CMSS1: variants seen among roughly 807,000 people sequenced by gnomAD.
CMSS1 encodes cms1 ribosomal small subunit homolog, also known as protein CMSS1.
CMSS1 carries 33 observed loss-of-function variants against 43.5 expected under a neutral mutation model. The ratio of observed to expected loss-of-function variants is 0.76; its 90% CI spans 0.57 to 1.01. The LOEUF is 1.01. CMSS1 is among the 50% of genes least tolerant of loss of function. The pLI is 0.00. For missense variants in CMSS1, 313 were observed against 326.4 expected, an observed-to-expected ratio of 0.96 and a Z score of 0.32; for synonymous variants, 115 against 117.2, an observed-to-expected ratio of 0.98 and a Z score of 0.12.
chr3:99,965,801 T>C (rs1394904071), intron 1 of CMSS1, among the ~76,000 whole-genome samples: 3 of 152,210 alleles, frequency 2.0e-5, no homozygotes, highest in Admixed American at 2.0e-4. Flanking sequence ...ATGAAAATGC[T>C]TTATAAACTG....
intron 1 of CMSS1, among the ~76,000 whole-genome samples, chr3:99,980,224 T>C (rs886088867): frequency 6.6e-6 from 1 of 152,150 alleles, no homozygotes; most frequent in African/African-American, 2.4e-5. Context: ...GTCTAGGAGC[T>C]GGTGCCAAAT....
chr3:99,982,233 C>G (rs1363494044), intron 1 of CMSS1, among the ~76,000 whole-genome samples: 2 of 151,944 alleles, frequency 1.3e-5, no homozygotes, highest in Non-Finnish European at 2.9e-5. Flanking sequence ...TCTTTGTACA[C>G]ATCTTTTTTT....
At chr3:99,839,057 C>G (rs1312104291) in intron 1 of CMSS1, among the ~76,000 whole-genome samples, 1 of 152,118 alleles carries the variant, frequency 6.6e-6, no homozygotes. Context: ...ACACCTTTAC[C>G]TTGTGGGCAC....
chr3:100,022,511 A>G (rs2064844475), intron 1 of CMSS1, among the ~76,000 whole-genome samples: 1 of 152,230 alleles, frequency 6.6e-6, no homozygotes, highest in Non-Finnish European at 1.5e-5. Context: ...AAAATCACAC[A>G]TATATCTTAT....
intron 1 of CMSS1, among the ~76,000 whole-genome samples, chr3:100,067,059 G>A (rs997079753): frequency 5.3e-5 from 8 of 152,164 alleles, no homozygotes; most frequent in African/African-American, 1.9e-4. Flanking sequence ...CGTGGACTGT[G>A]ATTAGGTTAA....
intron 1 of CMSS1, among the ~76,000 whole-genome samples, chr3:99,971,943 T>C (rs1321974013): frequency 1.3e-5 from 2 of 152,220 alleles, no homozygotes; most frequent in Non-Finnish European, 2.9e-5. Context: ...CCTAGATATA[T>C]GTAGTCTTGT....
intron 1 of CMSS1, among the ~76,000 whole-genome samples, chr3:99,991,660 T>C (rs1224122333): frequency 6.6e-6 from 1 of 152,026 alleles, no homozygotes; most frequent in African/African-American, 2.4e-5. Context: ...TATGTCCATG[T>C]ATATCCATTG....
chr3:99,861,742 G>A (rs758373684), intron 1 of CMSS1, among the ~76,000 whole-genome samples: 8 of 152,194 alleles, frequency 5.3e-5, no homozygotes, highest in African/African-American at 1.7e-4. Context: ...CTCTAGTACC[G>A]AAGCACCAAT....
Position 99,851,595 on chromosome 3 carries a change from C to T in CMSS1, c.64+33552C>T, listed in dbSNP as rs148111156. ...ATCTAAGATTCTCATTGTCCTGGCA[C>T]ATGGTAAGCATTTGGTATTAGTTGT... On this transcript the variant is annotated intron_variant, in intron 1 of 9. Coordinates refer to ENST00000421999, the MANE Select transcript of CMSS1 (RefSeq NM_032359.4). Among the ~76,000 whole-genome samples the T allele has an allele frequency of 4.2e-4, 64 of 152,304 alleles. 1 individual carries two copies. In the East Asian group the frequency reaches 0.012, roughly 28 times the overall value.
chr3:100,147,076 T>A lies in CMSS1; in HGVS notation c.153+15T>A, dbSNP rs2066858443. The A allele has an allele frequency of 6.2e-7, 1 of 1,613,110 alleles. No homozygotes were observed. Among genetic ancestry groups the A allele is most frequent in the African/African-American group, 1.3e-5 (1 of 74,870 alleles). Reference sequence around the variant, plus strand: ...AAACCAAACAGGTGAGGGGTCACTGTGGGAGAGCCACCACTGTTAAATTCT... The same window carrying A: ...AAACCAAACAGGTGAGGGGTCACTGAGGGAGAGCCACCACTGTTAAATTCT... On this transcript the variant is annotated intron_variant, in intron 2 of 9. Transcript: ENST00000421999.
intron 1 of CMSS1, among the ~76,000 whole-genome samples, chr3:99,962,523 A>C (rs1708523858): frequency 6.6e-6 from 1 of 152,232 alleles, no homozygotes; most frequent in African/African-American, 2.4e-5. Context: ...TTCTCCAGCA[A>C]CAATATGTTT....
intron 1 of CMSS1, among the ~76,000 whole-genome samples, chr3:100,137,760 G>T (rs2066768418): frequency 6.6e-6 from 1 of 152,004 alleles, no homozygotes; most frequent in African/African-American, 2.4e-5. Flanking sequence ...TAGAGACGGG[G>T]TTTCACCATG....
intron 1 of CMSS1, among the ~76,000 whole-genome samples, chr3:99,833,985 GA>G (rs913989881): frequency 1.9e-4 from 29 of 152,194 alleles, no homozygotes; most frequent in Non-Finnish European, 4.1e-4. Flanking sequence ...CTAAACTGAA[GA>G]AAAATATATT....
At chr3:100,129,804 C>A (rs1001666391) in intron 1 of CMSS1, among the ~76,000 whole-genome samples, 1 of 152,176 alleles carries the variant, frequency 6.6e-6, no homozygotes, top group Non-Finnish European at 1.5e-5. Context: ...CCAGTGCCAT[C>A]TTTATCTAAA....
At chr3:100,146,553 G>T (rs1037295625) in intron 1 of CMSS1, among the ~76,000 whole-genome samples, 1 of 152,160 alleles carries the variant, frequency 6.6e-6, no homozygotes, top group Non-Finnish European at 1.5e-5. Context: ...TAGTTATATT[G>T]TAAGAATTAA....
In CMSS1 at chr3:100,176,468, G is replaced by A; in HGVS notation, c.756+53G>A. On this transcript the variant is annotated intron_variant, in intron 9 of 9. Coordinates refer to ENST00000421999, the MANE Select transcript of CMSS1 (RefSeq NM_032359.4). ...ATCATTTTTTCTCTATTTGAACTTG[G>A]TTCAAACACAGTAATAAAGTCTTTG... 3 of 1,192,048 alleles carry A rather than the reference G, an allele frequency of 2.5e-6. No homozygotes were observed. The South Asian group carries it at 3.8e-5, about 15-fold the overall frequency. 73.8% of individuals were successfully genotyped at this position (1,192,048 alleles called of 1,614,324 possible). A position where few individuals can be genotyped will look rare whatever the true frequency, so the allele number is the denominator to read the frequency against.
intron 1 of CMSS1, among the ~76,000 whole-genome samples, chr3:100,116,589 GC>G (rs1160667922): frequency 1.3e-5 from 2 of 152,126 alleles, no homozygotes; most frequent in Non-Finnish European, 1.5e-5. Flanking sequence ...TTGCTTCCAG[GC>G]CCTTTCAGGT....
chr3:99,877,863 A>G (rs1487112778), intron 1 of CMSS1, among the ~76,000 whole-genome samples: 1 of 152,086 alleles, frequency 6.6e-6, no homozygotes, highest in East Asian at 1.9e-4. Flanking sequence ...TTTTACCCCA[A>G]AGCTAACAGT....
At chr3:100,025,700 C>T (rs1576651002) in intron 1 of CMSS1, 2 of 152,188 alleles carry the variant, frequency 1.3e-5, no homozygotes, top group South Asian at 4.2e-4. Flanking sequence ...ACATTGTTAC[C>T]AGGCACTTTA....
Sources: allele counts gnomAD v4.1 joint callset (sites outside exome capture counted in the v4.1 genomes callset), GRCh38; gene constraint gnomAD v4.1.1; transcripts MANE v1.5; gene names NCBI Gene and HGNC (gene_info 2026-07-23, HGNC 2026-07-21).